Variants in FGD3 observed in about 807,000 individuals in gnomAD.
FGD3 encodes the protein FYVE, RhoGEF and PH domain containing 3, also known as FYVE, RhoGEF and PH domain-containing protein 3.
In FGD3, 45 loss-of-function variants were observed where a neutral mutation model predicts 71.8. That is an observed-to-expected ratio of 0.63 (90% CI 0.49 to 0.80). FGD3 has a LOEUF of 0.80. Among genes scored for constraint, FGD3 ranks in the 30% least tolerant of loss-of-function variants. The probability of loss-of-function intolerance (pLI) is 0.00; values close to 1 mark genes in which losing one functional copy is unlikely to be tolerated. For missense variants in FGD3, 844 were observed against 951.5 expected (o/e 0.89, Z 1.49); for synonymous variants, 378 against 392.8 (o/e 0.96, Z 0.44).
At chr9:92,962,693 C>A (rs1859192384) in intron 1 of FGD3, among the ~76,000 whole-genome samples, 1 of 152,148 alleles carries the variant, frequency 6.6e-6, no homozygotes, top group Non-Finnish European at 1.5e-5. Flanking sequence ...GTAATCCCAG[C>A]ACTTTAGGAG....
At chr9:93,018,263 T>C (rs984182948) in intron 11 of FGD3, 48 bp downstream of exon 11, 6 of 1,520,276 alleles carry the variant, frequency 3.9e-6, no homozygotes, top group Non-Finnish European at 5.4e-6. Context: ...TCATGTCTTC[T>C]TTTTCTAAAC....
At chr9:92,956,838 C>CTTTT (rs71364336) in intron 1 of FGD3, among the ~76,000 whole-genome samples, 27 of 138,728 alleles carry the variant, frequency 1.9e-4, no homozygotes, top group Admixed American at 2.2e-4. Context: ...TGCTTTCTTT[C>CTTTT]TTTTTTTTTT....
chr9:92,996,062 C>A (rs1339310304), intron 3 of FGD3, among the ~76,000 whole-genome samples: 1 of 152,154 alleles, frequency 6.6e-6, no homozygotes, highest in Admixed American at 6.5e-5. Context: ...GTACCAGCTC[C>A]TCTTTGTACC....
intron 13 of FGD3, among the ~76,000 whole-genome samples, chr9:93,021,193 G>A (rs373826677): frequency 6.6e-6 from 1 of 152,178 alleles, no homozygotes; most frequent in Admixed American, 6.5e-5. Context: ...CAGTGCCCCC[G>A]TGCCCTGGGA....
At chr9:92,950,044 T>G (rs1392352099) in intron 1 of FGD3, among the ~76,000 whole-genome samples, 1 of 151,950 alleles carries the variant, frequency 6.6e-6, no homozygotes, top group Admixed American at 6.5e-5. Flanking sequence ...CTCTTTTTTT[T>G]TTTCTTTTTC....
chr9:93,015,887 G>T lies in FGD3; in HGVS notation c.1275+58G>T, dbSNP rs1231960956. ...CCTGGAAGGGGCACTGAGCAGGACT[G>T]GGGACACCAGGCTCTGGCCGCTGAG... On this transcript the variant is annotated intron_variant, in intron 10 of 17. Coordinates refer to ENST00000375482, the MANE Select transcript of FGD3 (RefSeq NM_001083536.2). 6.0e-6 allele frequency: 9 copies of T among 1,501,214 alleles called. No homozygotes were observed. In the East Asian group the frequency reaches 2.0e-4, roughly 34 times the overall value. The allele number at this position is 1,501,214 out of a possible 1,614,324, so 93.0% of individuals were successfully genotyped here.
chr9:93,011,408 C>A (rs761143596), intron 8 of FGD3, 136 bp downstream of exon 8: 25 of 1,051,338 alleles, frequency 2.4e-5, no homozygotes, highest in Non-Finnish European at 3.4e-5. Context: ...CCTTCCACCC[C>A]CATCCCCAGG....
chr9:92,970,087 G>A (rs147784392), intron 1 of FGD3, among the ~76,000 whole-genome samples: 49 of 152,250 alleles, frequency 3.2e-4, no homozygotes, highest in East Asian at 2.3e-3. Flanking sequence ...AACTGACCTC[G>A]GCTTCCTCAA....
intron 1 of FGD3, among the ~76,000 whole-genome samples, chr9:92,953,139 T>C (rs545187142): frequency 1.2e-4 from 18 of 152,304 alleles, no homozygotes; most frequent in African/African-American, 4.3e-4. Flanking sequence ...CAGGGCCTGA[T>C]TGAGTGGGGG....
chr9:93,022,927 C>T (rs1434008313), intron 14 of FGD3, among the ~76,000 whole-genome samples: 2 of 152,148 alleles, frequency 1.3e-5, no homozygotes, highest in Non-Finnish European at 2.9e-5. Context: ...GCTGCTCCGG[C>T]CAGGCAGACT....
intron 1 of FGD3, among the ~76,000 whole-genome samples, chr9:92,963,046 A>T (rs1042827175): frequency 1.3e-5 from 2 of 152,046 alleles, no homozygotes; most frequent in African/African-American, 4.8e-5. Flanking sequence ...CATCCTTGTC[A>T]CGGCTGGGTG....
intron 6 of FGD3, among the ~76,000 whole-genome samples, chr9:93,007,098 T>A (rs1019958035): frequency 2.6e-5 from 4 of 151,038 alleles, no homozygotes; most frequent in South Asian, 2.1e-4. Context: ...ATTTATTTTT[T>A]AATTTTTTTT....
intron 1 of FGD3, among the ~76,000 whole-genome samples, chr9:92,963,177 G>A (rs1259119444): frequency 4.6e-5 from 7 of 152,230 alleles, no homozygotes; most frequent in African/African-American, 1.7e-4. Context: ...CCTGTTGTCA[G>A]ACGGGGATAA....
At chr9:92,986,634 C>G (rs899457234) in intron 3 of FGD3, among the ~76,000 whole-genome samples, 4 of 152,166 alleles carry the variant, frequency 2.6e-5, no homozygotes, top group African/African-American at 9.7e-5. Context: ...TCCCTTATCC[C>G]AAAAAGGTAC....
At chr9:93,011,421 G>C (rs1264330968) in intron 8 of FGD3, 149 bp downstream of exon 8, 2 of 928,182 alleles carry the variant, frequency 2.2e-6, no homozygotes, top group Non-Finnish European at 1.7e-6. Context: ...TCCCCAGGGG[G>C]GTCAGCTGGA....
intron 15 of FGD3, among the ~76,000 whole-genome samples, chr9:93,031,113 TGATGGATGGATGAATGTATGGTAGAG>T: frequency 1.3e-5 from 2 of 151,650 alleles, no homozygotes; most frequent in South Asian, 2.1e-4. Context: ...GATGGATGGA[TGATGGATGGATGAATGTATGGTAGAG>T]GATGGATGGG....
chr9:92,986,789 C>A (rs1233853602), intron 3 of FGD3, among the ~76,000 whole-genome samples: 2 of 152,216 alleles, frequency 1.3e-5, no homozygotes, highest in Non-Finnish European at 2.9e-5. Flanking sequence ...TCAGAAGGAG[C>A]TGGCAGAGCC....
chr9:92,982,507 G>A (rs572273706), intron 3 of FGD3, among the ~76,000 whole-genome samples: 1 of 152,144 alleles, frequency 6.6e-6, no homozygotes, highest in Admixed American at 6.5e-5. Flanking sequence ...GTCCAGTCGT[G>A]TGATTGCTGG....
intron 1 of FGD3, among the ~76,000 whole-genome samples, chr9:92,962,013 T>A (rs948227775): frequency 6.6e-6 from 1 of 152,228 alleles, no homozygotes; most frequent in African/African-American, 2.4e-5. Context: ...GAGAGGCAGA[T>A]AACCAGCATT....
Sources: gnomAD v4.1 joint callset for allele counts (sites outside exome capture counted in the v4.1 genomes callset) on GRCh38, gnomAD v4.1.1 for gene constraint, MANE v1.5 for transcripts, NCBI Gene and HGNC (gene_info 2026-07-23, HGNC 2026-07-21) for gene names.